CPEB3: variants seen among roughly 807,000 people sequenced by gnomAD.
CPEB3 encodes the protein cytoplasmic polyadenylation element binding protein 3.
In CPEB3, 20 loss-of-function variants were observed where a neutral mutation model predicts 67.2. The observed-to-expected ratio is 0.30, with a 90% CI of 0.21 to 0.43. The LOEUF is 0.43. CPEB3 is among the 20% of genes least tolerant of loss of function. The pLI, the probability that CPEB3 is intolerant of heterozygous loss-of-function variation, is 1.00. For missense variants in CPEB3, 746 were observed against 968.6 expected (o/e 0.77, Z 3.05); for synonymous variants, 376 against 393.1 (o/e 0.96, Z 0.51).
rs1464236083 is a variant in CPEB3, at chr10:92,048,131, T to C, written c.*4081A>G. The C allele has an allele frequency of 6.6e-6, 1 of 152,142 alleles. No homozygotes were observed. Among genetic ancestry groups the C allele is most frequent in the African/African-American group, 2.4e-5 (1 of 41,376 alleles). The allele number at this position is 152,142 out of a possible 1,614,324, so 9.4% of individuals were successfully genotyped here. On this transcript the variant is annotated 3_prime_UTR_variant, in exon 10 of 10. Coordinates refer to ENST00000265997, the MANE Select transcript of CPEB3 (RefSeq NM_014912.5). This position sits in a 1 kb window ranked among gnomAD's most constrained non-coding sequence, Gnocchi z 4.1. ...GATGCAACCCGACACATAGTCAGGG[T>C]CCACAGACAGTGGTGACATCCGAGT...
At chr10:92,204,502 C>G (rs899894570) in intron 2 of CPEB3, among the ~76,000 whole-genome samples, 3 of 152,170 alleles carry the variant, frequency 2.0e-5, no homozygotes, top group Non-Finnish European at 4.4e-5. Context: ...TTCATTGTCA[C>G]TCCCTGGCCA....
chr10:92,091,804 G>T (rs373528761), intron 8 of CPEB3, 26 bp downstream of exon 8: 23 of 1,369,454 alleles, frequency 1.7e-5, no homozygotes, highest in Non-Finnish European at 2.4e-5. Context: ...TGGTTTTGTT[G>T]TTGTGGTATT....
chr10:92,149,164 A>G (rs1846840233), intron 4 of CPEB3, among the ~76,000 whole-genome samples: 1 of 152,138 alleles, frequency 6.6e-6, no homozygotes, highest in Non-Finnish European at 1.5e-5. Context: ...GCCTCCCAAC[A>G]TGTTGGGATT....
At chr10:92,165,480 G>GCTGA (rs1235270003) in intron 4 of CPEB3, among the ~76,000 whole-genome samples, 14 of 130,198 alleles carry the variant, frequency 1.1e-4, no homozygotes, top group Admixed American at 1.0e-3. Context: ...AGTGGTGGTT[G>GCTGA]CTGAAGGTTG....
At chr10:92,095,600 A>ATATAT (rs377039483) in intron 7 of CPEB3, among the ~76,000 whole-genome samples, 346 of 123,074 alleles carry the variant, frequency 2.8e-3, no homozygotes, top group Non-Finnish European at 4.0e-3. Flanking sequence ...ATATATATAT[A>ATATAT]TTTTTTTTTT....
chr10:92,061,744 G>A (rs936134194), intron 9 of CPEB3, among the ~76,000 whole-genome samples: 9 of 152,000 alleles, frequency 5.9e-5, no homozygotes, highest in African/African-American at 1.9e-4. Context: ...AAATCAGAAA[G>A]AATGAATAAG....
intron 1 of CPEB3, among the ~76,000 whole-genome samples, chr10:92,261,669 G>A (rs952178690): frequency 1.3e-5 from 2 of 152,042 alleles, no homozygotes; most frequent in African/African-American, 2.4e-5. Flanking sequence ...GGCTGGTCTC[G>A]AACTCCTGAC....
chr10:92,250,246 C>G (rs1852236781), intron 1 of CPEB3, among the ~76,000 whole-genome samples: 1 of 151,362 alleles, frequency 6.6e-6, no homozygotes, highest in Admixed American at 6.6e-5. Context: ...CTCCACCACA[C>G]CCGGCTAATT....
chr10:92,119,794 T>C (rs746575343), intron 6 of CPEB3, among the ~76,000 whole-genome samples: 23 of 152,130 alleles, frequency 1.5e-4, no homozygotes, highest in Non-Finnish European at 2.9e-4. Context: ...ATTGAACATA[T>C]TAAAGGTTAC....
At chr10:92,245,776 C>A (rs1219902376) in intron 1 of CPEB3, among the ~76,000 whole-genome samples, 1 of 152,156 alleles carries the variant, frequency 6.6e-6, no homozygotes, top group Non-Finnish European at 1.5e-5. Flanking sequence ...GTGGCTCATG[C>A]CTGTAATCCC....
intron 9 of CPEB3, among the ~76,000 whole-genome samples, chr10:92,056,378 C>A (rs1336281272): frequency 6.6e-6 from 1 of 151,960 alleles, no homozygotes; most frequent in East Asian, 1.9e-4. Flanking sequence ...GACCCATGCC[C>A]CACAAGAACA....
intron 7 of CPEB3, among the ~76,000 whole-genome samples, chr10:92,094,099 C>T (rs1843743566): frequency 6.6e-6 from 1 of 152,028 alleles, no homozygotes; most frequent in African/African-American, 2.4e-5. Flanking sequence ...AAGGGATCCG[C>T]CCACCTCGGC....
intron 1 of CPEB3, among the ~76,000 whole-genome samples, chr10:92,258,500 T>C (rs1405745992): frequency 6.6e-6 from 1 of 151,452 alleles, no homozygotes; most frequent in Admixed American, 6.6e-5. Context: ...CTGATGTTTA[T>C]TAGCTGGAGA....
chr10:92,251,841 T>G (rs972578731), intron 1 of CPEB3, among the ~76,000 whole-genome samples: 1 of 151,440 alleles, frequency 6.6e-6, no homozygotes, highest in Non-Finnish European at 1.5e-5. Context: ...CTCGGGAGAC[T>G]GAGGCATGAG....
chr10:92,214,852 T>C (rs1850269290), intron 2 of CPEB3, among the ~76,000 whole-genome samples: 1 of 151,962 alleles, frequency 6.6e-6, no homozygotes, highest in African/African-American at 2.4e-5. Flanking sequence ...AAGTTTTTTG[T>C]TATTTCTTTT....
At chr10:92,226,107 T>A (rs574400011) in intron 2 of CPEB3, among the ~76,000 whole-genome samples, 5 of 152,156 alleles carry the variant, frequency 3.3e-5, no homozygotes, top group South Asian at 4.2e-4. Flanking sequence ...AAAAAAAAAA[T>A]AATAATAATT....
At chr10:92,220,260 G>GTT (rs1311135678) in intron 2 of CPEB3, among the ~76,000 whole-genome samples, 3 of 152,048 alleles carry the variant, frequency 2.0e-5, no homozygotes, top group Non-Finnish European at 4.4e-5. Context: ...GTCTTAGTTT[G>GTT]TAACCACCTG....
chr10:92,249,951 G>A (rs1379079693), intron 1 of CPEB3, among the ~76,000 whole-genome samples: 1 of 147,524 alleles, frequency 6.8e-6, no homozygotes, highest in African/African-American at 2.5e-5. Flanking sequence ...GAACTTGGGA[G>A]TCGGAGGTTG....
At chr10:92,066,344 T>C (rs1251521413) in intron 9 of CPEB3, among the ~76,000 whole-genome samples, 1 of 151,640 alleles carries the variant, frequency 6.6e-6, no homozygotes, top group Non-Finnish European at 1.5e-5. Flanking sequence ...CTGATGCACT[T>C]GAGCCCAGGA....
Sources: allele counts gnomAD v4.1 joint callset (sites outside exome capture counted in the v4.1 genomes callset), GRCh38; gene constraint gnomAD v4.1.1; non-coding constraint Gnocchi (gnomAD v3.1); transcripts MANE v1.5; gene names NCBI Gene and HGNC (gene_info 2026-07-23, HGNC 2026-07-21).